The following NRG1 variants were observed in gnomAD, a reference collection of about 807,000 sequenced individuals.
NRG1 encodes neuregulin 1.
Under a neutral mutation model 63.8 loss-of-function variants are expected in NRG1, and 18 were observed. The observed-to-expected ratio is 0.28, with a 90% confidence interval of 0.19 to 0.42. The LOEUF is 0.42. Among genes scored for constraint, NRG1 ranks in the 10% least tolerant of loss-of-function variants. NRG1 has a pLI of 1.00. For missense variants in NRG1, 762 were observed against 814.7 expected (o/e 0.94, Z 0.79); for synonymous variants, 302 against 301.3 (o/e 1.00, Z -0.02).
At chr8:32,061,179 A>G (rs76806096) in intron 1 of NRG1, among the ~76,000 whole-genome samples, 5 of 151,964 alleles carry the variant, frequency 3.3e-5, no homozygotes, top group African/African-American at 1.2e-4. Flanking sequence ...ACCCATAATA[A>G]TTACATACCT....
chr8:32,281,749 G>A (rs1038436397), intron 1 of NRG1, among the ~76,000 whole-genome samples: 1 of 152,108 alleles, frequency 6.6e-6, no homozygotes, highest in Non-Finnish European at 1.5e-5. Flanking sequence ...AGGACACTGA[G>A]GCAGGAGGAT....
intron 1 of NRG1, among the ~76,000 whole-genome samples, chr8:32,125,001 A>G (rs1833902741): frequency 6.6e-6 from 1 of 151,880 alleles, no homozygotes; most frequent in Non-Finnish European, 1.5e-5. Context: ...GGCCTTTTTG[A>G]GTGGCCAGCC....
At chr8:31,710,795 A>G (rs1438312963) in intron 1 of NRG1, among the ~76,000 whole-genome samples, 4 of 152,100 alleles carry the variant, frequency 2.6e-5, no homozygotes. Context: ...CTTTGATTTT[A>G]ACAAGTAAAT....
At chr8:32,334,206 C>A (rs1054487742) in intron 1 of NRG1, among the ~76,000 whole-genome samples, 1 of 151,998 alleles carries the variant, frequency 6.6e-6, no homozygotes, top group Non-Finnish European at 1.5e-5. Flanking sequence ...TTTTTAGTGT[C>A]CAGCATGGAG....
At chr8:31,722,411 A>G (rs144588229) in intron 1 of NRG1, among the ~76,000 whole-genome samples, 5 of 152,086 alleles carry the variant, frequency 3.3e-5, no homozygotes, top group African/African-American at 1.2e-4. Context: ...CCTTCCTGTC[A>G]TCTTACTAGT....
chr8:32,564,067 T>C (rs550872564), intron 1 of NRG1, among the ~76,000 whole-genome samples: 9 of 152,332 alleles, frequency 5.9e-5, no homozygotes, highest in Admixed American at 4.6e-4. Context: ...TGAATGTGTA[T>C]GATAAATCAT....
intron 1 of NRG1, among the ~76,000 whole-genome samples, chr8:32,077,896 G>A (rs935472443): frequency 6.6e-6 from 1 of 152,096 alleles, no homozygotes; most frequent in African/African-American, 2.4e-5. Flanking sequence ...TCCTATTGGG[G>A]GCTGAATTCC....
At chr8:32,695,770 T>C (rs1813144105) in intron 5 of NRG1, among the ~76,000 whole-genome samples, 1 of 152,192 alleles carries the variant, frequency 6.6e-6, no homozygotes, top group African/African-American at 2.4e-5. Flanking sequence ...CTATTAAAAA[T>C]CAGGTGCTTA....
intron 1 of NRG1, among the ~76,000 whole-genome samples, chr8:32,363,886 G>C (rs1777143785): frequency 6.6e-6 from 1 of 151,906 alleles, no homozygotes; most frequent in Non-Finnish European, 1.5e-5. Context: ...GAAATTATGA[G>C]GGGTTGTGGA....
At chr8:32,688,752 G>A (rs1297322573) in intron 5 of NRG1, among the ~76,000 whole-genome samples, 1 of 151,940 alleles carries the variant, frequency 6.6e-6, no homozygotes, top group East Asian at 1.9e-4. Context: ...AGCAATTGTT[G>A]CTTTAGGTTG....
chr8:31,895,987 T>C (rs897686293), intron 1 of NRG1, among the ~76,000 whole-genome samples: 21 of 152,208 alleles, frequency 1.4e-4, no homozygotes, highest in South Asian at 4.1e-4. Context: ...GACTTTGACA[T>C]GCCTCTTTCA....
intron 1 of NRG1, among the ~76,000 whole-genome samples, chr8:32,564,305 T>C (rs964542144): frequency 6.6e-6 from 1 of 152,210 alleles, no homozygotes; most frequent in Non-Finnish European, 1.5e-5. Flanking sequence ...TAAAAATATA[T>C]TTAAGTCTAT....
At chr8:32,383,437 A>G (rs890264927) in intron 1 of NRG1, among the ~76,000 whole-genome samples, 3 of 152,160 alleles carry the variant, frequency 2.0e-5, no homozygotes. Flanking sequence ...ACCTAGCCAT[A>G]CCTAGGTCAC....
At chr8:32,166,776 T>C (rs1839444352) in intron 1 of NRG1, among the ~76,000 whole-genome samples, 1 of 152,182 alleles carries the variant, frequency 6.6e-6, no homozygotes. Flanking sequence ...GTTCATTGTC[T>C]GTATCTGTAG....
intron 1 of NRG1, among the ~76,000 whole-genome samples, chr8:31,878,447 G>T (rs961571933): frequency 6.6e-6 from 1 of 152,122 alleles, no homozygotes; most frequent in Non-Finnish European, 1.5e-5. Flanking sequence ...GGGCCAAAAA[G>T]CCCTGAAATA....
At chr8:31,734,514 A>T (rs1047242463) in intron 1 of NRG1, among the ~76,000 whole-genome samples, 1 of 152,192 alleles carries the variant, frequency 6.6e-6, no homozygotes, top group Admixed American at 6.6e-5. Context: ...TGATTACTAG[A>T]ATTAGATAAC....
At chr8:32,242,962 A>G (rs1848253790) in intron 1 of NRG1, among the ~76,000 whole-genome samples, 1 of 152,172 alleles carries the variant, frequency 6.6e-6, no homozygotes, top group African/African-American at 2.4e-5. Flanking sequence ...CAAAAAGTCC[A>G]AAATCACAGT....
chr8:32,157,251 G>C (rs1328638846), intron 1 of NRG1, among the ~76,000 whole-genome samples: 1 of 150,422 alleles, frequency 6.6e-6, no homozygotes, highest in African/African-American at 2.5e-5. Context: ...TGTAGTCCCA[G>C]CTACTCGGGA....
intron 1 of NRG1, among the ~76,000 whole-genome samples, chr8:32,011,865 AC>A (rs1422812156): frequency 6.6e-6 from 1 of 152,114 alleles, no homozygotes; most frequent in African/African-American, 2.4e-5. Flanking sequence ...GTTTGTGCTT[AC>A]TTTTAAGTGA....
Sources: allele counts gnomAD v4.1 joint callset (sites outside exome capture counted in the v4.1 genomes callset), GRCh38; gene constraint gnomAD v4.1.1; transcripts MANE v1.5; gene names NCBI Gene and HGNC (gene_info 2026-07-23, HGNC 2026-07-21).